TBC1D8: variants seen among roughly 807,000 people sequenced by gnomAD.
TBC1D8 encodes TBC1 domain family member 8.
In TBC1D8, 65 loss-of-function variants were observed where a neutral mutation model predicts 118.8. That is an observed-to-expected ratio of 0.55 (90% CI 0.45 to 0.67). The LOEUF is 0.67. Ranked by LOEUF, TBC1D8 falls within the 30% of genes least tolerant of loss-of-function variation. TBC1D8 has a pLI of 0.00. For missense variants in TBC1D8, 1,376 were observed against 1,471.2 expected (o/e 0.94, Z 1.06); for synonymous variants, 566 against 595.8 (o/e 0.95, Z 0.73).
In TBC1D8 at chr2:101,050,481, G is replaced by A. The variant is rs202125599; in HGVS notation, c.792C>T (p.Asp264=). The part of the protein sequence containing the change: ...EVFKVMEQLA[D]VTLRRLLDNE... Reference sequence around the variant, plus strand: ...TATCCAGCAGCCTTCGCAGCGTCACGTCGGCCAGCTGCTCCATGACCTTAA... The same window carrying A: ...TATCCAGCAGCCTTCGCAGCGTCACATCGGCCAGCTGCTCCATGACCTTAA... The change falls in exon 5 of 20, where the codon GAC becomes GAT. Residue 264 remains aspartate (D), a synonymous_variant. Coordinates refer to ENST00000409318, the MANE Select transcript of TBC1D8 (RefSeq NM_001330348.2). The A allele has an allele frequency of 2.5e-5, 40 of 1,613,924 alleles. No homozygotes were observed. Among genetic ancestry groups the A allele is most frequent in the African/African-American group, 1.7e-4 (13 of 75,046 alleles).
chr2:101,095,242 T>C (rs1354868257), intron 1 of TBC1D8, among the ~76,000 whole-genome samples: 2 of 137,606 alleles, frequency 1.5e-5, no homozygotes, highest in African/African-American at 5.5e-5. Flanking sequence ...ACCAGAGAAG[T>C]ATTTTCTTTA....
At chr2:101,073,289 TTA>T (rs1311779591) in intron 2 of TBC1D8, among the ~76,000 whole-genome samples, 6 of 141,590 alleles carry the variant, frequency 4.2e-5, no homozygotes, top group African/African-American at 1.6e-4. Flanking sequence ...TTATTTTATT[TTA>T]TTTTATTTAT....
chr2:101,109,800 C>T, intron 1 of TBC1D8: 1 of 985,470 alleles, frequency 1.0e-6, no homozygotes. Flanking sequence ...GACAGGCAAA[C>T]ACTTATTTTT....
chr2:101,110,127 T>G (rs1352479817), intron 1 of TBC1D8: 2 of 573,832 alleles, frequency 3.5e-6, no homozygotes, highest in East Asian at 1.4e-4. Context: ...AGAGGCCTAC[T>G]AATAATTTGC....
intron 15 of TBC1D8, among the ~76,000 whole-genome samples, chr2:101,024,758 T>G (rs1394337575): frequency 2.0e-5 from 3 of 152,124 alleles, no homozygotes; most frequent in Non-Finnish European, 4.4e-5. Context: ...TGACTAAAGT[T>G]GAATATATAC....
At chr2:101,137,525 G>A (rs1315013804) in intron 1 of TBC1D8, among the ~76,000 whole-genome samples, 4 of 150,730 alleles carry the variant, frequency 2.7e-5, no homozygotes, top group Non-Finnish European at 5.9e-5. Flanking sequence ...TGTTAGCTAG[G>A]ATGGTCTCGA....
At chr2:101,142,354 G>T (rs1679141502) in intron 1 of TBC1D8, among the ~76,000 whole-genome samples, 1 of 152,154 alleles carries the variant, frequency 6.6e-6, no homozygotes, top group South Asian at 2.1e-4. Context: ...AAATTTATGT[G>T]TCGGGGTGTT....
chr2:101,103,317 T>C (rs1162940248), intron 1 of TBC1D8, among the ~76,000 whole-genome samples: 1 of 137,654 alleles, frequency 7.3e-6, no homozygotes, highest in Non-Finnish European at 1.6e-5. Context: ...CATTCATGAT[T>C]TTAAAAAAAA....
chr2:101,058,805 A>C (rs1390758646), intron 3 of TBC1D8, among the ~76,000 whole-genome samples: 1 of 152,146 alleles, frequency 6.6e-6, no homozygotes, highest in Non-Finnish European at 1.5e-5. Context: ...GCTCTGCGGA[A>C]ACATAAATCT....
intron 15 of TBC1D8, 122 bp downstream of exon 15, chr2:101,027,261 A>C (rs1680389857): frequency 1.2e-6 from 1 of 818,728 alleles, no homozygotes; most frequent in South Asian, 1.5e-5. Context: ...CAAGGGGGGC[A>C]GCTCCGGCCT....
chr2:101,020,893 G>C (rs1292584765), intron 17 of TBC1D8, among the ~76,000 whole-genome samples: 3 of 152,204 alleles, frequency 2.0e-5, no homozygotes, highest in Admixed American at 6.5e-5. Flanking sequence ...TTGGTGATCA[G>C]ATTGAAAAAA....
intron 5 of TBC1D8, among the ~76,000 whole-genome samples, chr2:101,043,891 G>C (rs1681538594): frequency 6.6e-6 from 1 of 152,132 alleles, no homozygotes; most frequent in Non-Finnish European, 1.5e-5. Context: ...AGTGAGCTGA[G>C]ATCGTGCCAT....
intron 17 of TBC1D8, chr2:101,018,023 C>A: frequency 7.9e-7 from 1 of 1,270,538 alleles, no homozygotes; most frequent in Non-Finnish European, 1.1e-6. Context: ...TGTGCTCATT[C>A]TACATATCAA....
At chr2:101,019,014 T>A (rs1304717735) in intron 17 of TBC1D8, 1 of 1,612,472 alleles carries the variant, frequency 6.2e-7, no homozygotes, top group African/African-American at 1.3e-5. Flanking sequence ...TGCTAAACAG[T>A]GTTACAGTCG....
chr2:101,052,508 G>C (rs115328065), intron 4 of TBC1D8, among the ~76,000 whole-genome samples: 1,471 of 121,024 alleles, frequency 0.012, 31 homozygotes, highest in African/African-American at 0.045. Context: ...GCGGAGTCTT[G>C]CTTTATCACC....
chr2:101,015,149 T>C (rs1162131701), intron 17 of TBC1D8, among the ~76,000 whole-genome samples: 7 of 152,216 alleles, frequency 4.6e-5, no homozygotes, highest in Admixed American at 6.5e-5. Context: ...AGCATGTTAC[T>C]GTCCTGAATA....
At chr2:101,073,269 A>AT (rs879587221) in intron 2 of TBC1D8, among the ~76,000 whole-genome samples, 4 of 146,452 alleles carry the variant, frequency 2.7e-5, no homozygotes, top group Non-Finnish European at 5.9e-5. Context: ...TATTTTTTTT[A>AT]TTTTTTATTT....
chr2:101,093,106 C>T (rs1040605492), intron 1 of TBC1D8, among the ~76,000 whole-genome samples: 2 of 152,094 alleles, frequency 1.3e-5, no homozygotes, highest in African/African-American at 4.8e-5. Flanking sequence ...ATTTTCTCTT[C>T]ATTATAATTT....
intron 3 of TBC1D8, among the ~76,000 whole-genome samples, chr2:101,057,948 C>G (rs923289904): frequency 6.6e-6 from 1 of 152,178 alleles, no homozygotes; most frequent in Non-Finnish European, 1.5e-5. Context: ...CTACAGAAGC[C>G]GTTTTAAAAT....
Sources: gnomAD v4.1 joint callset for allele counts (sites outside exome capture counted in the v4.1 genomes callset) on GRCh38, gnomAD v4.1.1 for gene constraint, MANE v1.5 for transcripts, NCBI Gene and HGNC (gene_info 2026-07-23, HGNC 2026-07-21) for gene names.